The following TBC1D5 variants were observed in gnomAD, a reference collection of about 807,000 sequenced individuals.
The protein encoded by TBC1D5 is TBC1 domain family, member 5.
A neutral mutation model predicts 100.3 loss-of-function variants in TBC1D5; 75 were observed. The ratio of observed to expected loss-of-function variants is 0.75; its 90% CI spans 0.62 to 0.91. The LOEUF (loss-of-function observed/expected upper bound fraction) is 0.91, where lower values mean the gene tolerates loss of function less well. TBC1D5 is among the 40% of genes least tolerant of loss of function. The probability of loss-of-function intolerance (pLI) is 0.00; values close to 1 mark genes in which losing one functional copy is unlikely to be tolerated. For missense variants in TBC1D5, 910 were observed against 942.4 expected (o/e 0.97, Z 0.45); for synonymous variants, 323 against 325.6 (o/e 0.99, Z 0.09).
intron 3 of TBC1D5, among the ~76,000 whole-genome samples, chr3:17,481,639 A>G (rs2095503438): frequency 6.6e-6 from 1 of 152,256 alleles, no homozygotes; most frequent in South Asian, 2.1e-4. Context: ...AAAATTAACA[A>G]TGCCACTCTT....
intron 13 of TBC1D5, among the ~76,000 whole-genome samples, chr3:17,359,149 C>T (rs143689333): frequency 2.6e-4 from 40 of 152,176 alleles, no homozygotes; most frequent in African/African-American, 7.2e-4. Flanking sequence ...AAAAGCAACA[C>T]GTTCCACCAG....
chr3:17,244,288 T>A (rs1281246342), intron 16 of TBC1D5, among the ~76,000 whole-genome samples: 8 of 152,148 alleles, frequency 5.3e-5, no homozygotes, highest in Admixed American at 2.0e-4. Context: ...GAGTTTATGA[T>A]CTGCAGTGCC....
At chr3:17,218,995 G>C (rs1474482781) in intron 17 of TBC1D5, among the ~76,000 whole-genome samples, 1 of 151,290 alleles carries the variant, frequency 6.6e-6, no homozygotes, top group East Asian at 1.9e-4. Context: ...TATTCCATCT[G>C]CCCCTCTCTT....
intron 8 of TBC1D5, among the ~76,000 whole-genome samples, chr3:17,396,773 ATAAAAG>A (rs913485641): frequency 1.3e-5 from 2 of 152,172 alleles, no homozygotes; most frequent in South Asian, 4.1e-4. Flanking sequence ...GAGAAAAGAA[ATAAAAG>A]TAAATGTTTC....
Position 17,166,747 on chromosome 3 carries a change from G to A in TBC1D5, c.2094+20C>T, listed in dbSNP as rs1161466148. The A allele has an allele frequency of 6.3e-7, 1 of 1,594,262 alleles. No homozygotes were observed. The highest frequency in any genetic ancestry group is 1.4e-5 in the African/African-American group (1 of 73,898). On this transcript the variant is annotated intron_variant, in intron 21 of 21. Transcript: ENST00000253692. ...TGCTCCCTTTGAGTTAATGTAACAT[G>A]TTCCTCAGAGTTTCTGTACCTGTTT...
At chr3:17,349,668 T>C (rs73145864) in intron 13 of TBC1D5, among the ~76,000 whole-genome samples, 13,676 of 152,138 alleles carry the variant, frequency 0.09, 1,403 homozygotes, top group African/African-American at 0.25. Context: ...AGCAGAGAGC[T>C]GAGAGGTTCC....
At chr3:17,594,820 T>G (rs1271519471) in intron 2 of TBC1D5, among the ~76,000 whole-genome samples, 1 of 152,142 alleles carries the variant, frequency 6.6e-6, no homozygotes, top group Non-Finnish European at 1.5e-5. Context: ...GAGATGCGAA[T>G]GGGTTCCAAT....
At chr3:17,700,205 C>CG (rs2072939650) in intron 1 of TBC1D5, among the ~76,000 whole-genome samples, 1 of 150,764 alleles carries the variant, frequency 6.6e-6, no homozygotes, top group African/African-American at 2.4e-5. Context: ...CTTTGACAAA[C>CG]CTGACAAAAA....
In TBC1D5 at chr3:17,692,189, T is replaced by A. The variant is rs1427659744; in HGVS notation, c.-101+47154A>T. Among the ~76,000 whole-genome samples, 6 of 152,138 alleles carry A rather than the reference T, an allele frequency of 3.9e-5. 1 individual carries two copies. The East Asian group carries it at 1.2e-3, about 29-fold the overall frequency. ...ATCACTGCAGCCTCCACCTCTCAGG[T>A]TCAAATGGCCTCCTGCCTCAGCCTC... On this transcript the variant is annotated intron_variant, in intron 1 of 21. Transcript: ENST00000253692.
At chr3:17,227,248 G>A (rs2074989096) in intron 17 of TBC1D5, among the ~76,000 whole-genome samples, 1 of 152,080 alleles carries the variant, frequency 6.6e-6, no homozygotes, top group African/African-American at 2.4e-5. Context: ...GTCAGGGAGG[G>A]TCCTCTCTAG....
At chr3:17,406,655 T>A (rs535292046) in intron 4 of TBC1D5, 129 bp from the exon 5 acceptor site, 26 of 721,800 alleles carry the variant, frequency 3.6e-5, no homozygotes, top group African/African-American at 3.4e-4. Context: ...TATTTAGTTG[T>A]GTACTGTTTC....
Position 17,306,560 on chromosome 3 carries a change from T to A in TBC1D5, c.1138+1432A>T, listed in dbSNP as rs189650387. 8.4e-3 allele frequency among the ~76,000 whole-genome samples: 1,274 copies of A among 152,296 alleles called. 8 individuals are homozygous for A. The highest frequency in any genetic ancestry group is 0.014 in the Non-Finnish European group (959 of 68,012). ...ACTTCAGGTGCCAAAAAATTTGCCATGTTTTATAAAATGATAAAAGTAGGT... is the reference window on the plus strand; with the variant it reads ...ACTTCAGGTGCCAAAAAATTTGCCAAGTTTTATAAAATGATAAAAGTAGGT... On this transcript the variant is annotated intron_variant, in intron 14 of 21. Transcript: ENST00000253692.
intron 1 of TBC1D5, among the ~76,000 whole-genome samples, chr3:17,739,065 G>A (rs180901782): frequency 1.1e-3 from 169 of 152,170 alleles, no homozygotes; most frequent in African/African-American, 3.8e-3. Context: ...GGCCCTCTCC[G>A]TCAAATGATC....
chr3:17,386,783 C>G (rs991394538), intron 8 of TBC1D5, among the ~76,000 whole-genome samples: 1 of 152,122 alleles, frequency 6.6e-6, no homozygotes, highest in Non-Finnish European at 1.5e-5. Context: ...GTTCATTGCT[C>G]AATTAAACTC....
intron 2 of TBC1D5, among the ~76,000 whole-genome samples, chr3:17,518,727 C>CTGTTA (rs2096023826): frequency 2.0e-5 from 3 of 152,240 alleles, no homozygotes; most frequent in African/African-American, 4.8e-5. Context: ...GCAGAAAGCC[C>CTGTTA]ACTGAGCTGT....
intron 1 of TBC1D5, among the ~76,000 whole-genome samples, chr3:17,670,768 C>A (rs1275623311): frequency 6.6e-6 from 1 of 152,184 alleles, no homozygotes; most frequent in Non-Finnish European, 1.5e-5. Context: ...AGATTCCTGG[C>A]CATGTCAGGG....
chr3:17,513,699 A>C (rs1183565496), intron 2 of TBC1D5, among the ~76,000 whole-genome samples: 1 of 152,226 alleles, frequency 6.6e-6, no homozygotes, highest in Non-Finnish European at 1.5e-5. Flanking sequence ...CTTTACATAA[A>C]GATTTCTCCT....
At chr3:17,512,143 T>C (rs2095916782) in intron 2 of TBC1D5, among the ~76,000 whole-genome samples, 1 of 152,058 alleles carries the variant, frequency 6.6e-6, no homozygotes, top group African/African-American at 2.4e-5. Context: ...AAATATGAAA[T>C]CATTTTCCTA....
intron 3 of TBC1D5, among the ~76,000 whole-genome samples, chr3:17,438,308 T>G (rs2094574231): frequency 6.6e-6 from 1 of 152,146 alleles, no homozygotes; most frequent in South Asian, 2.1e-4. Flanking sequence ...GAAATAGTAT[T>G]AAGGCCATAA....
Sources: allele counts gnomAD v4.1 joint callset (sites outside exome capture counted in the v4.1 genomes callset), GRCh38; gene constraint gnomAD v4.1.1; transcripts MANE v1.5; gene names NCBI Gene and HGNC (gene_info 2026-07-23, HGNC 2026-07-21).